Variants in ZCCHC7 observed in about 807,000 individuals in gnomAD.
The protein encoded by ZCCHC7 is zinc finger CCHC domain-containing protein 7.
ZCCHC7 carries 35 observed loss-of-function variants against 52.0 expected under a neutral mutation model. The observed-to-expected ratio is 0.67, with a 90% confidence interval of 0.51 to 0.89. The LOEUF (loss-of-function observed/expected upper bound fraction) is 0.89, where lower values mean the gene tolerates loss of function less well. Ranked by LOEUF, ZCCHC7 falls within the 40% of genes least tolerant of loss-of-function variation. The pLI, the probability that ZCCHC7 is intolerant of heterozygous loss-of-function variation, is 0.00. For missense variants in ZCCHC7, 574 were observed against 649.1 expected (o/e 0.88, Z 1.26); for synonymous variants, 217 against 221.5 (o/e 0.98, Z 0.18).
chr9:37,123,866 C>T (rs1413467559), intron 1 of ZCCHC7, among the ~76,000 whole-genome samples: 2 of 152,218 alleles, frequency 1.3e-5, no homozygotes. Context: ...ATTATTCAGA[C>T]AATCACATTC....
At chr9:37,316,697 A>T (rs959256411) in intron 5 of ZCCHC7, among the ~76,000 whole-genome samples, 2 of 152,132 alleles carry the variant, frequency 1.3e-5, no homozygotes, top group Non-Finnish European at 2.9e-5. Flanking sequence ...ATGTCCAGTG[A>T]TTTAAAACAG....
chr9:37,228,983 C>T (rs1184037449), intron 2 of ZCCHC7, among the ~76,000 whole-genome samples: 1 of 151,684 alleles, frequency 6.6e-6, no homozygotes, highest in Non-Finnish European at 1.5e-5. Context: ...CTATAGGCGC[C>T]TGCCACCATG....
chr9:37,314,060 A>G (rs75985055), intron 5 of ZCCHC7, among the ~76,000 whole-genome samples: 2,432 of 152,320 alleles, frequency 0.016, 35 homozygotes, highest in Non-Finnish European at 0.026. Context: ...CGTATAGTAC[A>G]TACCTCCTTG....
In ZCCHC7 at chr9:37,282,798, C is replaced by T. The variant is rs1828026947; in HGVS notation, c.611-19390C>T. Among the ~76,000 whole-genome samples the T allele has an allele frequency of 2.0e-5, 3 of 150,086 alleles. No homozygotes were observed. The South Asian group carries it at 6.4e-4, about 32-fold the overall frequency. On this transcript the variant is annotated intron_variant, in intron 2 of 8. Coordinates refer to ENST00000336755, the MANE Select transcript of ZCCHC7 (RefSeq NM_032226.3). ...AGTGAGCCATGTTTTTGCCACTGCA[C>T]TCCAGCCTGGCTCTGGCTTAAAAAA...
At chr9:37,287,628 G>A (rs577046786) in intron 2 of ZCCHC7, among the ~76,000 whole-genome samples, 8 of 152,194 alleles carry the variant, frequency 5.3e-5, no homozygotes, top group African/African-American at 1.9e-4. Flanking sequence ...AAAACAGGTA[G>A]AAACTGTTTA....
chr9:37,242,284 G>A (rs1825905161), intron 2 of ZCCHC7, among the ~76,000 whole-genome samples: 1 of 151,744 alleles, frequency 6.6e-6, no homozygotes. Flanking sequence ...TTGGCTTTCT[G>A]CCAAATGATG....
chr9:37,279,263 A>T (rs1413761000), intron 2 of ZCCHC7, among the ~76,000 whole-genome samples: 1 of 152,166 alleles, frequency 6.6e-6, no homozygotes, highest in African/African-American at 2.4e-5. Context: ...ACATATGGCA[A>T]CTATATCAGA....
At chr9:37,228,161 C>G (rs971742682) in intron 2 of ZCCHC7, among the ~76,000 whole-genome samples, 3 of 152,066 alleles carry the variant, frequency 2.0e-5, no homozygotes, top group African/African-American at 4.8e-5. Flanking sequence ...TTAATCTTTT[C>G]CTATGACTAT....
chr9:37,236,396 T>C (rs949872339), intron 2 of ZCCHC7, among the ~76,000 whole-genome samples: 1 of 150,944 alleles, frequency 6.6e-6, no homozygotes, highest in Middle Eastern at 3.4e-3. Context: ...TTTTTTTTTA[T>C]CTGAAGTGCT....
chr9:37,198,731 C>T (rs183185345), intron 2 of ZCCHC7, among the ~76,000 whole-genome samples: 1 of 152,244 alleles, frequency 6.6e-6, no homozygotes, highest in African/African-American at 2.4e-5. Flanking sequence ...TCTGCAGTCT[C>T]TAGTACAGTA....
chr9:37,357,795 A>C lies in ZCCHC7; in HGVS notation c.*527A>C, dbSNP rs1378022813. 3 of 152,252 alleles carry C rather than the reference A, an allele frequency of 2.0e-5. No homozygotes were observed. Among genetic ancestry groups the C allele is most frequent in the African/African-American group, 7.2e-5 (3 of 41,440 alleles). The allele number at this position is 152,252 out of a possible 1,614,324, so 9.4% of individuals were successfully genotyped here. On this transcript the variant is annotated 3_prime_UTR_variant, in exon 9 of 9. Transcript: ENST00000336755. ...ACAAAACATCACTAGCTGACTATAA[A>C]AACAAAAGTGTCATCATTGAAGCCC...
At chr9:37,169,138 A>G (rs535369853) in intron 2 of ZCCHC7, among the ~76,000 whole-genome samples, 2 of 152,248 alleles carry the variant, frequency 1.3e-5, no homozygotes, top group Admixed American at 6.5e-5. Context: ...AAGTTTCTCT[A>G]TTTATGAAGA....
intron 2 of ZCCHC7, among the ~76,000 whole-genome samples, chr9:37,165,206 C>T (rs1019355809): frequency 3.9e-5 from 6 of 151,952 alleles, no homozygotes; most frequent in Non-Finnish European, 5.9e-5. Context: ...CTTACTAGTT[C>T]TAGAATTTTT....
At chr9:37,240,786 A>T (rs570006193) in intron 2 of ZCCHC7, among the ~76,000 whole-genome samples, 10 of 151,694 alleles carry the variant, frequency 6.6e-5, no homozygotes, top group East Asian at 1.9e-4. Flanking sequence ...TAAACAAAAA[A>T]TTTTTTTTCT....
chr9:37,347,178 T>A (rs1015922575), intron 6 of ZCCHC7, among the ~76,000 whole-genome samples: 22 of 151,552 alleles, frequency 1.5e-4, no homozygotes, highest in African/African-American at 5.1e-4. Flanking sequence ...CTCAGAGGTC[T>A]GTGTCCATCA....
Position 37,161,090 on chromosome 9 carries a change from C to T in ZCCHC7, c.610+34148C>T, listed in dbSNP as rs1267311925. Among the ~76,000 whole-genome samples, 4 of 151,618 alleles carry T rather than the reference C, an allele frequency of 2.6e-5. No homozygotes were observed. The East Asian group carries it at 8.1e-4, about 31-fold the overall frequency. On this transcript the variant is annotated intron_variant, in intron 2 of 8. Coordinates refer to ENST00000336755, the MANE Select transcript of ZCCHC7 (RefSeq NM_032226.3). ...TCAGCCTCCCGAGTAGCTGGGATTACAGGCACAGGCCACCACAACTGGCTA... is the reference window on the plus strand; with the variant it reads ...TCAGCCTCCCGAGTAGCTGGGATTATAGGCACAGGCCACCACAACTGGCTA...
intron 7 of ZCCHC7, among the ~76,000 whole-genome samples, chr9:37,351,790 A>G (rs935718189): frequency 3.3e-5 from 5 of 152,212 alleles, no homozygotes; most frequent in Admixed American, 3.3e-4. Flanking sequence ...GCAGAGGGGT[A>G]TAATTTTAGC....
intron 2 of ZCCHC7, among the ~76,000 whole-genome samples, chr9:37,238,529 G>T (rs1025968053): frequency 1.3e-5 from 2 of 151,840 alleles, no homozygotes; most frequent in Non-Finnish European, 2.9e-5. Context: ...TAGTAAATAA[G>T]TTTTTTTTGT....
chr9:37,291,662 C>T (rs1828543790), intron 2 of ZCCHC7, among the ~76,000 whole-genome samples: 1 of 151,870 alleles, frequency 6.6e-6, no homozygotes, highest in Non-Finnish European at 1.5e-5. Flanking sequence ...AAATGTTTTA[C>T]AGTTTTTTTG....
Sources: gnomAD v4.1 joint callset for allele counts (sites outside exome capture counted in the v4.1 genomes callset) on GRCh38, gnomAD v4.1.1 for gene constraint, MANE v1.5 for transcripts, NCBI Gene and HGNC (gene_info 2026-07-23, HGNC 2026-07-21) for gene names.